NCKAP5: variants seen among roughly 807,000 people sequenced by gnomAD.
The protein encoded by NCKAP5 is nck-associated protein 5.
NCKAP5 carries 92 observed loss-of-function variants against 167.0 expected under a neutral mutation model. The ratio of observed to expected loss-of-function variants is 0.55; its 90% CI spans 0.47 to 0.66. NCKAP5 has a LOEUF of 0.66. Ranked by LOEUF, NCKAP5 falls within the 30% of genes least tolerant of loss-of-function variation. NCKAP5 has a pLI of 0.00. For missense variants in NCKAP5, 2,378 were observed against 2,315.0 expected, an observed-to-expected ratio of 1.03 and a Z score of -0.56; for synonymous variants, 891 against 877.4, an observed-to-expected ratio of 1.02 and a Z score of -0.27.
chr2:132,971,834 C>T (rs2076844137), intron 7 of NCKAP5, among the ~76,000 whole-genome samples: 1 of 152,178 alleles, frequency 6.6e-6, no homozygotes, highest in Admixed American at 6.5e-5. Flanking sequence ...GTTTAAAACG[C>T]AGATTCCTCG....
chr2:133,454,068 T>C (rs1162875458), intron 3 of NCKAP5, among the ~76,000 whole-genome samples: 1 of 152,060 alleles, frequency 6.6e-6, no homozygotes, highest in Non-Finnish European at 1.5e-5. Context: ...CAGTATATGT[T>C]CATTTTTAGT....
At position 132,935,892 on chromosome 2, in the gene NCKAP5, C is replaced by G. The variant is rs188278621; in HGVS notation, c.579+27828G>C. Among the ~76,000 whole-genome samples the G allele has an allele frequency of 4.6e-5, 7 of 152,158 alleles. No individual in the cohort carries two copies. In the East Asian group the frequency reaches 1.2e-3, roughly 25 times the overall value. ...AAGAAATGGACTATGAAGTTTAAGT[C>G]TGGGGACATCTGGTAAAGGCTGGTG... On this transcript the variant is annotated intron_variant, in intron 8 of 19. Coordinates refer to ENST00000409261, the MANE Select transcript of NCKAP5 (RefSeq NM_207363.3).
At chr2:133,025,055 A>C (rs2078649712) in intron 6 of NCKAP5, among the ~76,000 whole-genome samples, 1 of 152,194 alleles carries the variant, frequency 6.6e-6, no homozygotes, top group African/African-American at 2.4e-5. Flanking sequence ...ATACCAGATG[A>C]ATTAGTCCAA....
intron 4 of NCKAP5, among the ~76,000 whole-genome samples, chr2:133,299,214 A>G (rs1319280317): frequency 1.3e-5 from 2 of 152,196 alleles, no homozygotes; most frequent in Non-Finnish European, 2.9e-5. Flanking sequence ...ATATAAGAAT[A>G]TAACAAATTA....
chr2:133,033,663 AT>A (rs1365743436), intron 6 of NCKAP5, among the ~76,000 whole-genome samples: 1 of 152,118 alleles, frequency 6.6e-6, no homozygotes, highest in Non-Finnish European at 1.5e-5. Context: ...TAGCAAAGAG[AT>A]TGAAATAATT....
intron 6 of NCKAP5, among the ~76,000 whole-genome samples, chr2:133,119,487 T>C (rs1425289921): frequency 6.6e-6 from 1 of 152,206 alleles, no homozygotes. Flanking sequence ...AGGGTAAATA[T>C]AGTTTAAAAC....
upstream of NCKAP5, among the ~76,000 whole-genome samples, chr2:133,571,428 C>T (rs1179835451): frequency 2.0e-5 from 3 of 152,014 alleles, no homozygotes; most frequent in East Asian, 5.8e-4. Flanking sequence ...AATGCTGCTG[C>T]CAAAACTCCC....
chr2:133,421,113 G>A (rs1310700646), intron 3 of NCKAP5, among the ~76,000 whole-genome samples: 1 of 152,144 alleles, frequency 6.6e-6, no homozygotes, highest in Non-Finnish European at 1.5e-5. Flanking sequence ...TAAATGCAGA[G>A]CTAGACTCGC....
chr2:132,880,269 T>C (rs1051016666), intron 8 of NCKAP5, among the ~76,000 whole-genome samples: 1 of 152,202 alleles, frequency 6.6e-6, no homozygotes, highest in African/African-American at 2.4e-5. Context: ...AGGGTGACTA[T>C]AGCTAACAAC....
At chr2:132,757,758 T>C (rs1680669299) in intron 16 of NCKAP5, among the ~76,000 whole-genome samples, 1 of 152,218 alleles carries the variant, frequency 6.6e-6, no homozygotes, top group Non-Finnish European at 1.5e-5. Flanking sequence ...TTTTCCAGGA[T>C]GGCAGATAAG....
chr2:132,794,976 G>A lies in NCKAP5; in HGVS notation c.909+1652C>T, dbSNP rs147503208. On this transcript the variant is annotated intron_variant, in intron 12 of 19. Coordinates refer to ENST00000409261, the MANE Select transcript of NCKAP5 (RefSeq NM_207363.3). Reference sequence around the variant, plus strand: ...ACCACATATTAAGAGAACTGAAGGGGGCCAAAGGAACAGAGATCTTATGAT... The same window carrying A: ...ACCACATATTAAGAGAACTGAAGGGAGCCAAAGGAACAGAGATCTTATGAT... 3.7e-4 allele frequency among the ~76,000 whole-genome samples: 56 copies of A among 152,224 alleles called. 1 individual carries two copies. In the East Asian group the frequency reaches 7.5e-3, roughly 20 times the overall value.
At chr2:133,363,466 A>G (rs1174989278) in intron 3 of NCKAP5, among the ~76,000 whole-genome samples, 1 of 152,222 alleles carries the variant, frequency 6.6e-6, no homozygotes, top group Non-Finnish European at 1.5e-5. Context: ...CAATTCCCTG[A>G]CTAGTTACAT....
At chr2:132,723,451 C>T (rs1284900298) in intron 19 of NCKAP5, among the ~76,000 whole-genome samples, 3 of 152,046 alleles carry the variant, frequency 2.0e-5, no homozygotes, top group South Asian at 2.1e-4. Context: ...CGTGAGCCAC[C>T]GCGCCCGGCC....
At chr2:133,566,759 T>C (rs1239153128) in intron 1 of NCKAP5, among the ~76,000 whole-genome samples, 1 of 152,244 alleles carries the variant, frequency 6.6e-6, no homozygotes. Flanking sequence ...CAAGTTTTCT[T>C]CTGTGAAAGG....
intron 8 of NCKAP5, among the ~76,000 whole-genome samples, chr2:132,885,284 G>A (rs1692127958): frequency 6.6e-6 from 1 of 152,140 alleles, no homozygotes; most frequent in Non-Finnish European, 1.5e-5. Context: ...AATGGGAAAG[G>A]ATAAGCAGAG....
intron 4 of NCKAP5, among the ~76,000 whole-genome samples, chr2:133,246,492 A>G (rs137934227): frequency 3.9e-5 from 6 of 152,322 alleles, no homozygotes; most frequent in South Asian, 2.1e-4. Context: ...ATCCTTAGCA[A>G]GAATGTACGT....
chr2:133,549,179 C>G (rs1687040665), intron 2 of NCKAP5, among the ~76,000 whole-genome samples: 1 of 151,526 alleles, frequency 6.6e-6, no homozygotes, highest in African/African-American at 2.4e-5. Flanking sequence ...GAAGAGCTAA[C>G]TATCCTAAAT....
chr2:133,253,208 C>G (rs2088440028), intron 4 of NCKAP5, among the ~76,000 whole-genome samples: 1 of 152,218 alleles, frequency 6.6e-6, no homozygotes, highest in Non-Finnish European at 1.5e-5. Flanking sequence ...AGGTTCAGCT[C>G]TGTGGCTCAG....
intron 13 of NCKAP5, among the ~76,000 whole-genome samples, chr2:132,788,376 C>T (rs1683769656): frequency 1.3e-5 from 2 of 152,134 alleles, no homozygotes; most frequent in Admixed American, 1.3e-4. Context: ...AAACTGATCT[C>T]AATAATTGAA....
Sources: allele counts gnomAD v4.1 joint callset (sites outside exome capture counted in the v4.1 genomes callset), GRCh38; gene constraint gnomAD v4.1.1; transcripts MANE v1.5; gene names NCBI Gene and HGNC (gene_info 2026-07-23, HGNC 2026-07-21).